Variants in ZFYVE9 observed in about 807,000 individuals in gnomAD.
ZFYVE9 encodes the protein zinc finger FYVE-type containing 9, also known as zinc finger FYVE domain-containing protein 9.
A neutral mutation model predicts 126.7 loss-of-function variants in ZFYVE9; 43 were observed. The ratio of observed to expected loss-of-function variants is 0.34; its 90% CI spans 0.27 to 0.44. ZFYVE9 has a LOEUF of 0.44. Ranked by LOEUF, ZFYVE9 falls within the 20% of genes least tolerant of loss-of-function variation. ZFYVE9 has a pLI of 1.00. For missense variants in ZFYVE9, 1,476 were observed against 1,697.0 expected, an observed-to-expected ratio of 0.87 and a Z score of 2.29; for synonymous variants, 521 against 597.4, an observed-to-expected ratio of 0.87 and a Z score of 1.87.
intron 1 of ZFYVE9, among the ~76,000 whole-genome samples, chr1:52,161,629 G>T (rs1009010304): frequency 7.9e-5 from 12 of 152,110 alleles, no homozygotes; most frequent in African/African-American, 2.7e-4. Context: ...ATCTTTCATA[G>T]GAGTCTGCAA....
chr1:52,305,374 A>T (rs1240279109), intron 13 of ZFYVE9, among the ~76,000 whole-genome samples: 1 of 152,204 alleles, frequency 6.6e-6, no homozygotes, highest in Non-Finnish European at 1.5e-5. Flanking sequence ...GGTTGCAGTG[A>T]GCTGAGATCT....
chr1:52,279,737 G>A (rs1214996943), intron 9 of ZFYVE9, among the ~76,000 whole-genome samples: 5 of 152,130 alleles, frequency 3.3e-5, no homozygotes, highest in Admixed American at 3.3e-4. Flanking sequence ...CCAAAGTGCT[G>A]GGATTACAGA....
intron 13 of ZFYVE9, among the ~76,000 whole-genome samples, chr1:52,322,623 G>A (rs1280220600): frequency 5.3e-5 from 8 of 151,480 alleles, no homozygotes; most frequent in South Asian, 2.1e-4. Context: ...TGACCTGCCC[G>A]CCTTGGCCTC....
chr1:52,281,005 A>G (rs1216188071), intron 9 of ZFYVE9, among the ~76,000 whole-genome samples: 1 of 152,114 alleles, frequency 6.6e-6, no homozygotes, highest in Non-Finnish European at 1.5e-5. Flanking sequence ...TTTGGCTTAC[A>G]ATACATAGTT....
chr1:52,196,649 T>G (rs1243269979), intron 1 of ZFYVE9, among the ~76,000 whole-genome samples: 2 of 152,082 alleles, frequency 1.3e-5, no homozygotes, highest in Non-Finnish European at 2.9e-5. Flanking sequence ...AAAAAATTGG[T>G]AAATTGGAGG....
intron 1 of ZFYVE9, among the ~76,000 whole-genome samples, chr1:52,196,629 C>G (rs955924326): frequency 6.6e-6 from 1 of 151,996 alleles, no homozygotes; most frequent in Non-Finnish European, 1.5e-5. Context: ...AGAGCAAGAC[C>G]CGGTCTCAGA....
At chr1:52,217,738 G>A (rs1645085334) in intron 2 of ZFYVE9, among the ~76,000 whole-genome samples, 1 of 152,174 alleles carries the variant, frequency 6.6e-6, no homozygotes, top group Non-Finnish European at 1.5e-5. Context: ...TTGGCTAATT[G>A]ATTTGCTAGG....
Position 52,238,715 on chromosome 1 carries a change from G to C in ZFYVE9, c.1298G>C (p.Gly433Ala). Residue 433 changes from glycine to alanine, a missense_variant, in exon 4 of 19, where the codon GGT (glycine) becomes GCT (alanine). Transcript: ENST00000287727. ...LQISQPEDTN[G>A]DSGGQCVGLA... ...ATTAGTCAGCCTGAGGACACTAATG[G>C]TGATAGTGGAGGACAGTGTGTTGGA... 6.2e-7 allele frequency: 1 copy of C among 1,614,104 alleles called. No homozygotes were observed. Among genetic ancestry groups the C allele is most frequent in the Non-Finnish European group, 8.5e-7 (1 of 1,179,970 alleles).
chr1:52,183,753 G>T (rs1432414692), intron 1 of ZFYVE9, among the ~76,000 whole-genome samples: 1 of 152,116 alleles, frequency 6.6e-6, no homozygotes, highest in African/African-American at 2.4e-5. Context: ...CAATCCACCC[G>T]CCTCGGCCTC....
chr1:52,320,514 A>G (rs1646229395), intron 13 of ZFYVE9, among the ~76,000 whole-genome samples: 1 of 152,262 alleles, frequency 6.6e-6, no homozygotes, highest in South Asian at 2.1e-4. Flanking sequence ...ATGCCAAGGC[A>G]GTTCATTAGC....
intron 4 of ZFYVE9, among the ~76,000 whole-genome samples, chr1:52,242,076 A>T (rs962420631): frequency 3.6e-4 from 45 of 126,358 alleles, no homozygotes; most frequent in African/African-American, 1.4e-3. Flanking sequence ...TCTGTTGCCC[A>T]GGCTGGAGTG....
At chr1:52,280,334 C>T (rs1645790565) in intron 9 of ZFYVE9, among the ~76,000 whole-genome samples, 1 of 147,866 alleles carries the variant, frequency 6.8e-6, no homozygotes, top group Non-Finnish European at 1.5e-5. Context: ...GAGCCGAGAT[C>T]ATGACACTGC....
At chr1:52,279,271 A>C (rs1001442701) in intron 9 of ZFYVE9, among the ~76,000 whole-genome samples, 3 of 152,130 alleles carry the variant, frequency 2.0e-5, no homozygotes, top group Non-Finnish European at 2.9e-5. Flanking sequence ...GTGGTAGATA[A>C]ATTATACAGG....
intron 1 of ZFYVE9, among the ~76,000 whole-genome samples, chr1:52,174,349 T>G (rs1051191196): frequency 1.5e-4 from 22 of 151,184 alleles, no homozygotes; most frequent in African/African-American, 4.6e-4. Flanking sequence ...TCTAGTTTGA[T>G]TGCACTGTGG....
intron 1 of ZFYVE9, among the ~76,000 whole-genome samples, chr1:52,164,300 G>A (rs1452660528): frequency 6.6e-6 from 1 of 151,980 alleles, no homozygotes; most frequent in African/African-American, 2.4e-5. Flanking sequence ...TGCAACCTCT[G>A]CCTCCCAGGT....
Position 52,337,905 on chromosome 1 carries a change from G to A in ZFYVE9, c.3804G>A (p.Trp1268Ter). 1 of 1,614,172 alleles carries A rather than the reference G, an allele frequency of 6.2e-7. No individual in the cohort carries two copies. Residue 1268 changes from tryptophan to a stop codon, truncating the protein, a stop_gained, in exon 16 of 19, where the codon TGG becomes TGA. Coordinates refer to ENST00000287727, the MANE Select transcript of ZFYVE9 (RefSeq NM_004799.4). LOFTEE classifies it high-confidence loss of function. ...CCCAGGAGCACATCCACATCCAGTG[G>A]GTGGATGATGACAAGAACGTTAGCA... is the stretch of plus-strand genomic sequence containing the variant. The part of the protein sequence containing the change: ...EEPQEHIHIQ[W>*]VDDDKNVSKG...
intron 1 of ZFYVE9, among the ~76,000 whole-genome samples, chr1:52,178,271 T>C (rs1644659158): frequency 2.2e-5 from 2 of 89,090 alleles, no homozygotes; most frequent in Non-Finnish European, 3.9e-5. Flanking sequence ...AGAGCAAGAC[T>C]CCATCTCAAA....
chr1:52,334,662 C>G (rs1160771276), intron 14 of ZFYVE9, 26 bp from the exon 15 acceptor site: 3 of 1,611,500 alleles, frequency 1.9e-6, no homozygotes, highest in South Asian at 1.1e-5. Flanking sequence ...GTCTGTCTTA[C>G]TAAACTATTT....
chr1:52,316,382 G>T (rs946205998), intron 13 of ZFYVE9, among the ~76,000 whole-genome samples: 12 of 151,280 alleles, frequency 7.9e-5, no homozygotes, highest in African/African-American at 2.7e-4. Context: ...CTACTCGGGA[G>T]GCTGAGGCAG....
Sources: gnomAD v4.1 joint callset for allele counts (sites outside exome capture counted in the v4.1 genomes callset) on GRCh38, gnomAD v4.1.1 for gene constraint, MANE v1.5 for transcripts, NCBI Gene and HGNC (gene_info 2026-07-23, HGNC 2026-07-21) for gene names.